SFTPA1: variants seen among roughly 807,000 people sequenced by gnomAD.
The protein encoded by SFTPA1 is pulmonary surfactant-associated protein A1.
In SFTPA1, 13 loss-of-function variants were observed where a neutral mutation model predicts 19.1. That is an observed-to-expected ratio of 0.68 (90% CI 0.44 to 1.08). SFTPA1 has a LOEUF of 1.08. Ranked by LOEUF, SFTPA1 falls within the 50% of genes least tolerant of loss-of-function variation. The probability of loss-of-function intolerance (pLI) is 0.00; values close to 1 mark genes in which losing one functional copy is unlikely to be tolerated. For missense variants in SFTPA1, 259 were observed against 316.4 expected, an observed-to-expected ratio of 0.82 and a Z score of 1.38; for synonymous variants, 101 against 117.0, an observed-to-expected ratio of 0.86 and a Z score of 0.88.
In SFTPA1 at chr10:79,613,236, T is replaced by G; in HGVS notation, c.340T>G (p.Phe114Val). 1 of 1,613,960 alleles carries G rather than the reference T, an allele frequency of 6.2e-7. No homozygotes were observed. Among genetic ancestry groups the G allele is most frequent in the African/African-American group, 1.3e-5 (1 of 74,968 alleles). Residue 114 changes from phenylalanine (F) to valine (V), a missense_variant, in exon 5 of 6, where the codon TTT becomes GTT. Coordinates refer to ENST00000398636, the MANE Select transcript of SFTPA1 (RefSeq NM_005411.5). Reference sequence around the variant, plus strand: ...GGAGCTCCAAGCCACACTCCACGACTTTAGACATCAAATCCTGCAGACAAG... The same window carrying G: ...GGAGCTCCAAGCCACACTCCACGACGTTAGACATCAAATCCTGCAGACAAG... Reference protein sequence around the residue: ...DEELQATLHDFRHQILQTRGA... With the variant: ...DEELQATLHDVRHQILQTRGA...
At position 79,612,336 on chromosome 10, in the gene SFTPA1, T is replaced by A; in HGVS notation, c.197T>A (p.Met66Lys). Residue 66 changes from methionine (M) to lysine (K), a missense_variant, in exon 4 of 6, where the codon ATG becomes AAG. By Grantham distance (95) the Met-to-Lys change is moderately conservative. Transcript: ENST00000398636. ...GGCCCCATGGGTCCACCTGGAGAAATGCCATGTCCTCCTGGAAATGATGGG... is the reference window on the plus strand; with the variant it reads ...GGCCCCATGGGTCCACCTGGAGAAAAGCCATGTCCTCCTGGAAATGATGGG... ...PPGPMGPPGE[M>K]PCPPGNDGLP... is the part of the protein sequence containing the mutation. 1 of 1,613,784 alleles carries A rather than the reference T, an allele frequency of 6.2e-7. No individual in the cohort carries two copies. The highest frequency in any genetic ancestry group is 8.5e-7 in the Non-Finnish European group (1 of 1,179,834).
chr10:79,611,676 T>C (rs762275700), intron 2 of SFTPA1, 127 bp from the exon 3 acceptor site: 2 of 1,581,104 alleles, frequency 1.3e-6, no homozygotes, highest in South Asian at 2.3e-5. Context: ...GCTTCGGGTC[T>C]TCCCAGCACT....
chr10:79,612,118 G>C (rs1859887609), intron 3 of SFTPA1, 121 bp downstream of exon 3: 22 of 1,584,544 alleles, frequency 1.4e-5, no homozygotes, highest in South Asian at 2.3e-5. Context: ...AGCTGGGTGG[G>C]ACTTCAGTCT....
At position 79,613,592 on chromosome 10, in the gene SFTPA1, A is replaced by G. The variant is rs535486726; in HGVS notation, c.371-145A>G. 5 of 1,182,516 alleles carry G rather than the reference A, an allele frequency of 4.2e-6. No individual in the cohort carries two copies. In the South Asian group the frequency reaches 7.5e-5, roughly 18 times the overall value. 73.3% of individuals were successfully genotyped at this position (1,182,516 alleles called of 1,614,324 possible). On this transcript the variant is annotated intron_variant, in intron 5 of 5. Transcript: ENST00000398636. The stretch of plus-strand genomic sequence containing the variant: ...GGAGAGTCTAAAAGTGAATTTAGAA[A>G]ACTGCAATTGGAAGAGGAAGAGAAG...
At chr10:79,612,545 G>A in intron 4 of SFTPA1, 114 bp downstream of exon 4, 2 of 1,520,680 alleles carry the variant, frequency 1.3e-6, no homozygotes, top group Non-Finnish European at 1.8e-6. Flanking sequence ...AGGGCATTTG[G>A]CTCAACCTAA....
rs140520382 is a variant in SFTPA1 at position 79,614,655 on chromosome 10, G to A, written c.*542G>A. ...GAGGTCTCTGTGGCAGGCCTGGTCA[G>A]GCTCTCCATGAGGTTAGAAGGCCAG... On this transcript the variant is annotated 3_prime_UTR_variant, in exon 6 of 6. Coordinates refer to ENST00000398636, the MANE Select transcript of SFTPA1 (RefSeq NM_005411.5). 86 of 265,710 alleles carry A rather than the reference G, an allele frequency of 3.2e-4. 1 individual carries two copies. In the East Asian group the frequency reaches 7.2e-3, roughly 22 times the overall value. The allele number at this position is 265,710 out of a possible 1,614,324, so 16.5% of individuals were successfully genotyped here.
Position 79,615,213 on chromosome 10 carries a change from A to G in SFTPA1, c.*1100A>G. The G allele has an allele frequency of 5.1e-6, 3 of 584,930 alleles. No individual in the cohort carries two copies. Among genetic ancestry groups the G allele is most frequent in the Non-Finnish European group, 5.4e-6 (2 of 373,354 alleles). 36.2% of individuals were successfully genotyped at this position (584,930 alleles called of 1,614,324 possible). A position where few individuals can be genotyped will look rare whatever the true frequency, so the allele number is the denominator to read the frequency against. ...ACAAGCACTTCTAATACAGCATATT[A>G]TGTACTATTCAATCTTTACACAATG... On this transcript the variant is annotated 3_prime_UTR_variant, in exon 6 of 6. Coordinates refer to ENST00000398636, the MANE Select transcript of SFTPA1 (RefSeq NM_005411.5).
chr10:79,611,421 C>G, intron 2 of SFTPA1, 32 bp downstream of exon 2: 1 of 681,514 alleles, frequency 1.5e-6, no homozygotes, highest in South Asian at 2.0e-5. Flanking sequence ...CTGGGAGGGA[C>G]AGGGCAGGTT....
chr10:79,614,339 C>T lies in SFTPA1; in HGVS notation c.*226C>T. The T allele has an allele frequency of 1.5e-6, 1 of 687,240 alleles. No individual in the cohort carries two copies. The highest frequency in any genetic ancestry group is 2.4e-6 in the Non-Finnish European group (1 of 418,648). 42.6% of individuals were successfully genotyped at this position (687,240 alleles called of 1,614,324 possible). ...CCCCTTGCAAACTCTCCCAGCACTG[C>T]ACCCCAGGCAGCCACTCTTAGCCTT... On this transcript the variant is annotated 3_prime_UTR_variant, in exon 6 of 6. Transcript: ENST00000398636.
rs149270027 is a variant in SFTPA1, at chr10:79,613,224, A to G, written c.328A>G (p.Thr110Ala). The G allele has an allele frequency of 1.2e-5, 20 of 1,613,936 alleles. No homozygotes were observed. The African/African-American group carries it at 2.4e-4, about 19-fold the overall frequency. The change falls in exon 5 of 6, where the codon ACA (threonine) becomes GCA (alanine). Residue 110 changes from threonine (T) to alanine (A), a missense_variant. By Grantham distance (58) the Thr-to-Ala change is moderately conservative. Coordinates refer to ENST00000398636, the MANE Select transcript of SFTPA1 (RefSeq NM_005411.5). Reference sequence around the variant, plus strand: ...TCATCTAGATGAGGAGCTCCAAGCCACACTCCACGACTTTAGACATCAAAT... The same window carrying G: ...TCATCTAGATGAGGAGCTCCAAGCCGCACTCCACGACTTTAGACATCAAAT... ...PAHLDEELQATLHDFRHQILQ... is the reference protein window; with the variant it reads ...PAHLDEELQAALHDFRHQILQ...
Position 79,612,444 on chromosome 10 carries a change from G to T in SFTPA1, c.292+13G>T. On this transcript the variant is annotated intron_variant, in intron 4 of 5. Transcript: ENST00000398636. The stretch of plus-strand genomic sequence containing the variant: ...AGGGGCCCTCCAGGTGAGCAGGGTG[G>T]GGCAGGTGGGCAGTGGAAACATGGG... 1 of 1,612,118 alleles carries T rather than the reference G, an allele frequency of 6.2e-7. No homozygotes were observed. Among genetic ancestry groups the T allele is most frequent in the Non-Finnish European group, 8.5e-7 (1 of 1,179,154 alleles).
intron 4 of SFTPA1, 146 bp downstream of exon 4, chr10:79,612,577 G>T (rs573674672): frequency 5.9e-6 from 8 of 1,355,046 alleles, no homozygotes; most frequent in Non-Finnish European, 8.1e-6. Flanking sequence ...TAAGCTTGAG[G>T]GAGAAAGCTG....
At position 79,614,733 on chromosome 10, in the gene SFTPA1, A is replaced by T. The variant is rs562474206; in HGVS notation, c.*620A>T. Reference sequence around the variant, plus strand: ...GCCAACCCCATGATTGATGTGTACGATTCACTCCTTTGAGTCTTTGAATGG... The same window carrying T: ...GCCAACCCCATGATTGATGTGTACGTTTCACTCCTTTGAGTCTTTGAATGG... On this transcript the variant is annotated 3_prime_UTR_variant, in exon 6 of 6. Coordinates refer to ENST00000398636, the MANE Select transcript of SFTPA1 (RefSeq NM_005411.5). The T allele has an allele frequency of 3.6e-5, 12 of 336,182 alleles. No individual in the cohort carries two copies. Among genetic ancestry groups the T allele is most frequent in the South Asian group, 3.2e-4 (12 of 37,364 alleles). The allele number at this position is 336,182 out of a possible 1,614,324, so 20.8% of individuals were successfully genotyped here.
chr10:79,615,091 A>C lies in SFTPA1; in HGVS notation c.*978A>C. 1.5e-6 allele frequency: 2 copies of C among 1,305,130 alleles called. No individual in the cohort carries two copies. Among genetic ancestry groups the C allele is most frequent in the Non-Finnish European group, 2.0e-6 (2 of 988,844 alleles). 80.8% of individuals were successfully genotyped at this position (1,305,130 alleles called of 1,614,324 possible). On this transcript the variant is annotated 3_prime_UTR_variant, in exon 6 of 6. Coordinates refer to ENST00000398636, the MANE Select transcript of SFTPA1 (RefSeq NM_005411.5). ...GGAATAAGATACTTGTTGCTGTCAC[A>C]GTTATTACCATCCCCCCAGCTACCA...
rs1363018568 is a variant in SFTPA1 at position 79,611,876 on chromosome 10, T to C, written c.51T>C (p.Gly17=). The change falls in exon 3 of 6, where the codon GGT becomes GGC. Residue 17 remains glycine (G), a synonymous_variant. Coordinates refer to ENST00000398636, the MANE Select transcript of SFTPA1 (RefSeq NM_005411.5). Reference sequence around the variant, plus strand: ...ACCTCATCTTGATGGCAGCCTCTGGTGCTGTGTGCGAAGTGAAGGACGTTT... The same window carrying C: ...ACCTCATCTTGATGGCAGCCTCTGGCGCTGTGTGCGAAGTGAAGGACGTTT... The part of the protein sequence containing the change: ...ALNLILMAAS[G]AVCEVKDVCV... 1 of 1,613,898 alleles carries C rather than the reference T, an allele frequency of 6.2e-7. No homozygotes were observed. The highest frequency in any genetic ancestry group is 1.7e-5 in the Admixed American group (1 of 59,996).
Position 79,614,293 on chromosome 10 carries a change from T to G in SFTPA1, c.*180T>G. ...GATGGGCCCTGACTCTTCCCCATAA[T>G]CACTGACCAGCCTTGACACTCCCCT... On this transcript the variant is annotated 3_prime_UTR_variant, in exon 6 of 6. Coordinates refer to ENST00000398636, the MANE Select transcript of SFTPA1 (RefSeq NM_005411.5). 1.0e-6 allele frequency: 1 copy of G among 988,144 alleles called. No homozygotes were observed. Among genetic ancestry groups the G allele is most frequent in the East Asian group, 2.6e-5 (1 of 37,752 alleles). 61.2% of individuals were successfully genotyped at this position (988,144 alleles called of 1,614,324 possible).
rs1466078817 is a variant in SFTPA1 at position 79,614,767 on chromosome 10, C to T, written c.*654C>T. The T allele has an allele frequency of 9.0e-6, 3 of 334,584 alleles. No individual in the cohort carries two copies. The highest frequency in any genetic ancestry group is 4.3e-5 in the Admixed American group (1 of 23,136). 20.7% of individuals were successfully genotyped at this position (334,584 alleles called of 1,614,324 possible). A position where few individuals can be genotyped will look rare whatever the true frequency, so the allele number is the denominator to read the frequency against. On this transcript the variant is annotated 3_prime_UTR_variant, in exon 6 of 6. Coordinates refer to ENST00000398636, the MANE Select transcript of SFTPA1 (RefSeq NM_005411.5). ...TTTGAGTCTTTGAATGGCAACTCAG[C>T]CCCCTGACCTGAAGACAGCCAGCCT...
At position 79,614,885 on chromosome 10, in the gene SFTPA1, G is replaced by T. The variant is rs1054521135; in HGVS notation, c.*772G>T. The T allele has an allele frequency of 8.7e-6, 7 of 808,930 alleles. No homozygotes were observed. Among genetic ancestry groups the T allele is most frequent in the Non-Finnish European group, 1.2e-5 (7 of 567,000 alleles). 50.1% of individuals were successfully genotyped at this position (808,930 alleles called of 1,614,324 possible). On this transcript the variant is annotated 3_prime_UTR_variant, in exon 6 of 6. Coordinates refer to ENST00000398636, the MANE Select transcript of SFTPA1 (RefSeq NM_005411.5). ...CTGCACCCTACTTCAGATTTCAGTG[G>T]GCATTCACACCACCCCCCACACCAC...
rs1048445486 is a variant in SFTPA1, at chr10:79,614,345, A to G, written c.*232A>G. On this transcript the variant is annotated 3_prime_UTR_variant, in exon 6 of 6. Transcript: ENST00000398636. ...GCAAACTCTCCCAGCACTGCACCCCAGGCAGCCACTCTTAGCCTTGGCCTT... is the reference window on the plus strand; with the variant it reads ...GCAAACTCTCCCAGCACTGCACCCCGGGCAGCCACTCTTAGCCTTGGCCTT... The G allele has an allele frequency of 7.9e-5, 53 of 667,308 alleles. No homozygotes were observed. The highest frequency in any genetic ancestry group is 1.3e-4 in the Non-Finnish European group (52 of 400,822). The allele number at this position is 667,308 out of a possible 1,614,324, so 41.3% of individuals were successfully genotyped here.
Sources: gnomAD v4.1 joint callset for allele counts on GRCh38, gnomAD v4.1.1 for gene constraint, MANE v1.5 for transcripts, NCBI Gene and HGNC (gene_info 2026-07-23, HGNC 2026-07-21) for gene names.